Variants in SLC25A36 observed in about 807,000 individuals in gnomAD.
The protein encoded by SLC25A36 is solute carrier family 25 member 36.
SLC25A36 carries 24 observed loss-of-function variants against 35.3 expected under a neutral mutation model. That is an observed-to-expected ratio of 0.68 (90% CI 0.49 to 0.96). The LOEUF (loss-of-function observed/expected upper bound fraction) is 0.96. Ranked by LOEUF, SLC25A36 falls within the 40% of genes least tolerant of loss-of-function variation. SLC25A36 has a pLI of 0.00. For missense variants in SLC25A36, 294 were observed against 381.1 expected (o/e 0.77, Z 1.90); for synonymous variants, 141 against 132.2 (o/e 1.07, Z -0.46).
intron 5 of SLC25A36, among the ~76,000 whole-genome samples, chr3:140,972,408 C>T (rs1934928467): frequency 6.6e-6 from 1 of 152,000 alleles, no homozygotes; most frequent in South Asian, 2.1e-4. Context: ...TGCCTGTAAT[C>T]CCAGAGCTTT....
intron 1 of SLC25A36, among the ~76,000 whole-genome samples, chr3:140,951,371 G>A (rs935113883): frequency 6.6e-6 from 1 of 152,198 alleles, no homozygotes; most frequent in Admixed American, 6.5e-5. Flanking sequence ...ATACCAGAGT[G>A]TCACCCCTAT....
rs1163203599 is a variant in SLC25A36 at position 140,959,557 on chromosome 3, AT to A, written c.284+19del. 19 of 1,274,542 alleles carry A rather than the reference AT, an allele frequency of 1.5e-5. No individual in the cohort carries two copies. The highest frequency in any genetic ancestry group is 1.8e-5 in the Non-Finnish European group (17 of 957,478). The allele number at this position is 1,274,542 out of a possible 1,614,324, so 79.0% of individuals were successfully genotyped here. A position where few individuals can be genotyped will look rare whatever the true frequency, so the allele number is the denominator to read the frequency against. The stretch of plus-strand genomic sequence containing the variant: ...CCCTTCCAGGTAAAAAAAAAAAAAA[AT>A]TGTTTAAAGCAAGTTATGGCAATCT... On this transcript the variant is annotated intron_variant, in intron 3 of 6. Transcript: ENST00000324194.
rs1935053063 is a variant in SLC25A36 at position 140,976,569 on chromosome 3, T to C, written c.*116T>C. 10 of 809,690 alleles carry C rather than the reference T, an allele frequency of 1.2e-5. No homozygotes were observed. Among genetic ancestry groups the C allele is most frequent in the Non-Finnish European group, 1.8e-5 (10 of 554,522 alleles). The allele number at this position is 809,690 out of a possible 1,614,324, so 50.2% of individuals were successfully genotyped here. A position where few individuals can be genotyped will look rare whatever the true frequency, so the allele number is the denominator to read the frequency against. ...AAATAGTTTGGGAACATGTAACTATTCTAAGTGGAAGTTTTGTTGTAGGAA... is the reference window on the plus strand; with the variant it reads ...AAATAGTTTGGGAACATGTAACTATCCTAAGTGGAAGTTTTGTTGTAGGAA... On this transcript the variant is annotated 3_prime_UTR_variant, in exon 7 of 7. Coordinates refer to ENST00000324194, the MANE Select transcript of SLC25A36 (RefSeq NM_001104647.3).
intron 4 of SLC25A36, chr3:140,968,272 A>G (rs977019167): frequency 4.5e-5 from 39 of 864,820 alleles, no homozygotes; most frequent in Non-Finnish European, 5.3e-5. Context: ...TTAGCGGTAA[A>G]GGGCTAATAG....
intron 1 of SLC25A36, among the ~76,000 whole-genome samples, chr3:140,948,206 TG>T (rs1934219709): frequency 6.6e-6 from 1 of 152,126 alleles, no homozygotes; most frequent in Non-Finnish European, 1.5e-5. Context: ...CCACCCACCT[TG>T]GCCTCCCAAA....
At chr3:140,953,156 C>T (rs779103108) in intron 1 of SLC25A36, among the ~76,000 whole-genome samples, 4 of 151,728 alleles carry the variant, frequency 2.6e-5, no homozygotes, top group Non-Finnish European at 4.4e-5. Context: ...TCTTTTACCA[C>T]TTAGCTCTCA....
rs568338534 is a variant in SLC25A36, at chr3:140,948,253, C to T, written c.41+6158C>T. ...TACAGGCCTGAGCTACCACGCCCAG[C>T]CCAGTCTACATGTTTTAAGATTGAA... On this transcript the variant is annotated intron_variant, in intron 1 of 6. Coordinates refer to ENST00000324194, the MANE Select transcript of SLC25A36 (RefSeq NM_001104647.3). 4.7e-4 allele frequency among the ~76,000 whole-genome samples: 72 copies of T among 152,190 alleles called. 1 individual carries two copies. The highest frequency in any genetic ancestry group is 9.7e-4 in the Non-Finnish European group (66 of 68,042).
At chr3:140,969,058 A>G (rs988929903) in intron 4 of SLC25A36, among the ~76,000 whole-genome samples, 4 of 151,856 alleles carry the variant, frequency 2.6e-5, no homozygotes, top group African/African-American at 4.8e-5. Context: ...AGCTATTACA[A>G]ATATTTAAGT....
In SLC25A36 at chr3:140,941,953, C is replaced by A; in HGVS notation, c.-102C>A. 2 of 652,058 alleles carry A rather than the reference C, an allele frequency of 3.1e-6. No homozygotes were observed. The highest frequency in any genetic ancestry group is 5.2e-6 in the Non-Finnish European group (2 of 387,062). The allele number at this position is 652,058 out of a possible 1,614,324, so 40.4% of individuals were successfully genotyped here. ...CTCGGCCAGCTCTCCTCGCCGTCCC[C>A]GGGGCGCTGTGCGTCTCCAGTCCGG... On this transcript the variant is annotated 5_prime_UTR_variant, in exon 1 of 7. Transcript: ENST00000324194.
In SLC25A36 at chr3:140,958,979, TG is replaced by T. The variant is rs1427114052; in HGVS notation, c.207-483del. Among the ~76,000 whole-genome samples the T allele has an allele frequency of 1.2e-3, 171 of 137,314 alleles. 2 individuals are homozygous for T. The highest frequency in any genetic ancestry group is 4.5e-3 in the African/African-American group (160 of 35,456). 90.1% of individuals were successfully genotyped at this position (137,314 alleles called of 152,430 possible). A position where few individuals can be genotyped will look rare whatever the true frequency, so the allele number is the denominator to read the frequency against. ...AATGTTTTGTGTGTGTGTGTGTGTG[TG>T]TGTGTGTGTGTGTGTGTGTGTGTGT... is the stretch of plus-strand genomic sequence containing the variant. On this transcript the variant is annotated intron_variant, in intron 2 of 6. Coordinates refer to ENST00000324194, the MANE Select transcript of SLC25A36 (RefSeq NM_001104647.3).
intron 4 of SLC25A36, chr3:140,968,538 G>A (rs1404341086): frequency 9.4e-6 from 9 of 957,194 alleles, no homozygotes; most frequent in Non-Finnish European, 1.1e-5. Context: ...AATACCTGTT[G>A]TTTGCTTTCT....
At chr3:140,949,464 A>G (rs575840175) in intron 1 of SLC25A36, among the ~76,000 whole-genome samples, 47 of 152,352 alleles carry the variant, frequency 3.1e-4, no homozygotes, top group African/African-American at 1.1e-3. Context: ...TAAATATTCT[A>G]TAAGATCAAT....
rs73870073 is a variant in SLC25A36 at position 140,970,752 on chromosome 3, T to C, written c.386-175T>C. On this transcript the variant is annotated intron_variant, in intron 4 of 6. Transcript: ENST00000324194. ...TAAGGACAGAATTTGAGAATTCATA[T>C]AGATTGGAAGTGAAGACAAATGTTT... 3.7e-3 allele frequency: 1,593 copies of C among 433,804 alleles called. 30 individuals are homozygous for C. The highest frequency in any genetic ancestry group is 0.03 in the African/African-American group (1,446 of 48,884). The allele number at this position is 433,804 out of a possible 1,614,324, so 26.9% of individuals were successfully genotyped here.
At chr3:140,972,194 A>G (rs1328109671) in intron 5 of SLC25A36, among the ~76,000 whole-genome samples, 1 of 152,210 alleles carries the variant, frequency 6.6e-6, no homozygotes, top group African/African-American at 2.4e-5. Flanking sequence ...AGGTTTCACT[A>G]TGTTTAGCGT....
At position 140,959,443 on chromosome 3, in the gene SLC25A36, A is replaced by AT. The variant is rs758118804; in HGVS notation, c.207-12dup. ...GACTTTGAAAGATATTTCTGATAGAATTTTTTTTCTCTCTTTCAGGGTGAT... is the reference window on the plus strand; with the variant it reads ...GACTTTGAAAGATATTTCTGATAGAATTTTTTTTTCTCTCTTTCAGGGTGAT... On this transcript the variant is annotated intron_variant, in intron 2 of 6. Coordinates refer to ENST00000324194, the MANE Select transcript of SLC25A36 (RefSeq NM_001104647.3). The AT allele has an allele frequency of 4.6e-5, 63 of 1,373,810 alleles. No individual in the cohort carries two copies. The highest frequency in any genetic ancestry group is 8.9e-5 in the South Asian group (6 of 67,700). 85.1% of individuals were successfully genotyped at this position (1,373,810 alleles called of 1,614,324 possible).
At chr3:140,963,902 A>T (rs191720346) in intron 4 of SLC25A36, 1 of 152,096 alleles carries the variant, frequency 6.6e-6, no homozygotes, top group Admixed American at 6.5e-5. Flanking sequence ...TTACCCTGCC[A>T]TAAAGATAAA....
In SLC25A36 at chr3:140,959,496, G is replaced by A; in HGVS notation, c.240G>A (p.Leu80=). ...VILEKEGPRS[L]FRGLGPNLVG... is the part of the protein sequence containing the mutation. ...TGGAAAAAGAAGGGCCTCGTTCCTT[G>A]TTTAGAGGACTAGGCCCCAATTTAG... The change falls in exon 3 of 7, where the codon TTG becomes TTA. Residue 80 remains leucine (L), a synonymous_variant. Transcript: ENST00000324194. 1 of 1,514,042 alleles carries A rather than the reference G, an allele frequency of 6.6e-7. No individual in the cohort carries two copies. The highest frequency in any genetic ancestry group is 8.8e-7 in the Non-Finnish European group (1 of 1,141,376). 93.8% of individuals were successfully genotyped at this position (1,514,042 alleles called of 1,614,324 possible).
In SLC25A36 at chr3:140,976,790, C is replaced by G. The variant is rs570204907; in HGVS notation, c.*337C>G. ...ACAAAGCCATCCTTAATTTTACATACTGTATTGTAACTATCCAAAGATAGT... is the reference window on the plus strand; with the variant it reads ...ACAAAGCCATCCTTAATTTTACATAGTGTATTGTAACTATCCAAAGATAGT... On this transcript the variant is annotated 3_prime_UTR_variant, in exon 7 of 7. Coordinates refer to ENST00000324194, the MANE Select transcript of SLC25A36 (RefSeq NM_001104647.3). 1 of 181,866 alleles carries G rather than the reference C, an allele frequency of 5.5e-6. No individual in the cohort carries two copies. The highest frequency in any genetic ancestry group is 5.7e-5 in the Admixed American group (1 of 17,590). 11.3% of individuals were successfully genotyped at this position (181,866 alleles called of 1,614,324 possible). A position where few individuals can be genotyped will look rare whatever the true frequency, so the allele number is the denominator to read the frequency against.
intron 5 of SLC25A36, among the ~76,000 whole-genome samples, chr3:140,971,892 A>G (rs1231571712): frequency 6.6e-6 from 1 of 152,194 alleles, no homozygotes; most frequent in Non-Finnish European, 1.5e-5. Context: ...GTTATGTCCT[A>G]TAGGCTTTAG....
Sources: allele counts gnomAD v4.1 joint callset (sites outside exome capture counted in the v4.1 genomes callset), GRCh38; gene constraint gnomAD v4.1.1; transcripts MANE v1.5; gene names NCBI Gene and HGNC (gene_info 2026-07-23, HGNC 2026-07-21).